Variants in FAM184A observed in about 807,000 individuals in gnomAD.
The protein encoded by FAM184A is family with sequence similarity 184 member A.
In FAM184A, 99 loss-of-function variants were observed where a neutral mutation model predicts 143.8. That is an observed-to-expected ratio of 0.69 (90% confidence interval 0.58 to 0.81). The LOEUF (loss-of-function observed/expected upper bound fraction) is 0.81. Ranked by LOEUF, FAM184A falls within the 40% of genes least tolerant of loss-of-function variation. FAM184A has a pLI of 0.00. For missense variants in FAM184A, 1,217 were observed against 1,310.5 expected (o/e 0.93, Z 1.10); for synonymous variants, 427 against 446.4 (o/e 0.96, Z 0.55).
chr6:119,134,239 A>G (rs1789605320), intron 1 of FAM184A, among the ~76,000 whole-genome samples: 1 of 152,190 alleles, frequency 6.6e-6, no homozygotes, highest in Non-Finnish European at 1.5e-5. Flanking sequence ...GAACTCTTAA[A>G]AAAGGGGAAT....
intron 11 of FAM184A, among the ~76,000 whole-genome samples, chr6:118,978,506 C>G (rs1783914786): frequency 6.6e-6 from 1 of 152,154 alleles, no homozygotes; most frequent in Admixed American, 6.5e-5. Flanking sequence ...AGGCTTTTCA[C>G]AAATCTTTGA....
intron 1 of FAM184A, among the ~76,000 whole-genome samples, chr6:119,143,893 G>C (rs1772329763): frequency 2.0e-5 from 3 of 152,116 alleles, no homozygotes; most frequent in Admixed American, 1.3e-4. Flanking sequence ...ACTTAAACTT[G>C]ATTAAGATGG....
At chr6:119,060,763 A>G (rs1359382662) in intron 1 of FAM184A, among the ~76,000 whole-genome samples, 1 of 152,050 alleles carries the variant, frequency 6.6e-6, no homozygotes, top group African/African-American at 2.4e-5. Flanking sequence ...CCGGTTGTTT[A>G]AAACTGTGTA....
intron 1 of FAM184A, among the ~76,000 whole-genome samples, chr6:119,026,506 G>A (rs759051522): frequency 2.0e-5 from 3 of 151,222 alleles, no homozygotes; most frequent in South Asian, 2.1e-4. Context: ...CCGATTGAAC[G>A]GACCCTCCTC....
upstream of FAM184A, chr6:119,078,963 TA>T (rs913714640): frequency 6.3e-4 from 92 of 146,154 alleles, no homozygotes; most frequent in South Asian, 4.3e-3. The surrounding 1 kb of genome is among the most constrained non-coding windows in gnomAD (Gnocchi z 5.5). Flanking sequence ...AGGCCTGACG[TA>T]AAAAAAAAAA....
At chr6:119,003,380 A>T in intron 8 of FAM184A, 121 bp downstream of exon 8, 2 of 981,320 alleles carry the variant, frequency 2.0e-6, no homozygotes, top group Non-Finnish European at 2.8e-6. Flanking sequence ...GTCTCTAATC[A>T]CAGGAAATTT....
chr6:119,120,223 G>A (rs929392071), intron 1 of FAM184A, among the ~76,000 whole-genome samples: 2 of 152,108 alleles, frequency 1.3e-5, no homozygotes, highest in African/African-American at 2.4e-5. Flanking sequence ...CTTTCTCTAC[G>A]GATTTGCCTG....
intron 15 of FAM184A, 59 bp from the exon 16 acceptor site, chr6:118,964,830 T>G: frequency 2.3e-6 from 2 of 879,862 alleles, no homozygotes; most frequent in South Asian, 3.3e-5. Flanking sequence ...TTTAAAAACA[T>G]AAATGTATAA....
At chr6:119,055,473 CAA>C (rs755232555) in intron 1 of FAM184A, among the ~76,000 whole-genome samples, 1 of 152,116 alleles carries the variant, frequency 6.6e-6, no homozygotes, top group African/African-American at 2.4e-5. Flanking sequence ...AACTGTTTAC[CAA>C]AGTGACTGAC....
chr6:119,084,879 A>G (rs1170987876), intron 1 of FAM184A, among the ~76,000 whole-genome samples: 1 of 152,240 alleles, frequency 6.6e-6, no homozygotes, highest in African/African-American at 2.4e-5. Flanking sequence ...CTGAAGCAAC[A>G]GCCCAAGCTG....
chr6:118,970,408 T>C (rs1054111307), intron 14 of FAM184A, among the ~76,000 whole-genome samples: 13 of 152,130 alleles, frequency 8.5e-5, no homozygotes, highest in African/African-American at 2.9e-4. Context: ...TCTAATAACA[T>C]TGTTTTATTT....
At chr6:119,059,521 C>G (rs1161855433) in intron 1 of FAM184A, among the ~76,000 whole-genome samples, 2 of 152,194 alleles carry the variant, frequency 1.3e-5, no homozygotes, top group African/African-American at 4.8e-5. Flanking sequence ...CATTACACAT[C>G]TAACAAAACC....
upstream of FAM184A, among the ~76,000 whole-genome samples, chr6:119,081,210 G>A (rs1788052594): frequency 6.6e-6 from 1 of 152,110 alleles, no homozygotes; most frequent in Non-Finnish European, 1.5e-5. Context: ...AAGAGAGACA[G>A]GAACTACCAA....
At chr6:119,107,015 A>G (rs1788805117) in intron 1 of FAM184A, among the ~76,000 whole-genome samples, 1 of 152,224 alleles carries the variant, frequency 6.6e-6, no homozygotes, top group Admixed American at 6.5e-5. Flanking sequence ...TGTAGGCCAT[A>G]TATTACTTTC....
chr6:119,134,716 A>G (rs1789618373), intron 1 of FAM184A, among the ~76,000 whole-genome samples: 1 of 151,876 alleles, frequency 6.6e-6, no homozygotes, highest in Non-Finnish European at 1.5e-5. Flanking sequence ...TTCTTATCAT[A>G]AAAGGACACA....
chr6:118,974,757 A>C (rs1456298717), intron 13 of FAM184A, among the ~76,000 whole-genome samples, 183 bp from the exon 14 acceptor site: 1 of 152,164 alleles, frequency 6.6e-6, no homozygotes, highest in Non-Finnish European at 1.5e-5. Flanking sequence ...TGTCTCCTTT[A>C]ATGCTTTTTC....
intron 1 of FAM184A, among the ~76,000 whole-genome samples, chr6:119,034,025 T>TAC (rs1786004757): frequency 3.9e-5 from 1 of 25,712 alleles, no homozygotes; most frequent in African/African-American, 1.4e-4. Context: ...AAAAAATATA[T>TAC]ATATATATAT....
chr6:119,067,074 A>G (rs558657313), intron 1 of FAM184A, among the ~76,000 whole-genome samples: 45 of 152,338 alleles, frequency 3.0e-4, no homozygotes, highest in African/African-American at 1.0e-3. Context: ...AATCATTTAC[A>G]TATTTTTTTT....
chr6:118,987,893 A>G (rs926570503), intron 9 of FAM184A, among the ~76,000 whole-genome samples: 2 of 152,220 alleles, frequency 1.3e-5, no homozygotes, highest in Non-Finnish European at 2.9e-5. Flanking sequence ...CATGTGGTAG[A>G]TGTATGCATA....
Sources: allele counts gnomAD v4.1 joint callset (sites outside exome capture counted in the v4.1 genomes callset), GRCh38; gene constraint gnomAD v4.1.1; non-coding constraint Gnocchi (gnomAD v3.1); transcripts MANE v1.5; gene names NCBI Gene and HGNC (gene_info 2026-07-23, HGNC 2026-07-21).